The following ZNF286A variants were observed in gnomAD, a reference collection of about 807,000 sequenced individuals.
ZNF286A encodes the protein zinc finger protein ZNF286.
ZNF286A carries 34 observed loss-of-function variants against 49.3 expected under a neutral mutation model. The ratio of observed to expected loss-of-function variants is 0.69; its 90% confidence interval spans 0.52 to 0.92. The LOEUF is 0.92. Ranked by LOEUF, ZNF286A falls within the 40% of genes least tolerant of loss-of-function variation. The pLI is 0.00. For synonymous variants in ZNF286A, 155 were observed against 200.4 expected, an observed-to-expected ratio of 0.77 and a Z score of 1.91; for missense variants, 462 against 600.2, an observed-to-expected ratio of 0.77 and a Z score of 2.41.
intron 1 of ZNF286A, 104 bp downstream of exon 1, chr17:15,699,881 G>A: frequency 1.4e-6 from 1 of 699,816 alleles, no homozygotes; most frequent in Non-Finnish European, 2.6e-6. Context: ...TTGTTAAAGG[G>A]GCCTCGAGGG....
intron 5 of ZNF286A, chr17:15,711,397 C>CT (rs1177958039): frequency 6.6e-6 from 1 of 152,176 alleles, no homozygotes; most frequent in East Asian, 1.9e-4. Context: ...TCTTAGCCTT[C>CT]TTTTTTGAAC....
At chr17:15,715,746 C>T (rs535931362) in intron 5 of ZNF286A, among the ~76,000 whole-genome samples, 1 of 152,258 alleles carries the variant, frequency 6.6e-6, no homozygotes, top group African/African-American at 2.4e-5. Flanking sequence ...AAAGTTATTT[C>T]TTCCCATCCT....
Position 15,716,284 on chromosome 17 carries a change from C to G in ZNF286A, c.560C>G (p.Thr187Arg). 6.2e-7 allele frequency: 1 copy of G among 1,613,874 alleles called. No individual in the cohort carries two copies. Among genetic ancestry groups the G allele is most frequent in the East Asian group, 2.2e-5 (1 of 44,872 alleles). The change falls in exon 6 of 6, where the codon ACA (threonine) becomes AGA (arginine). Residue 187 changes from threonine (T) to arginine (R), a missense_variant. Coordinates refer to ENST00000583566, the MANE Select transcript of ZNF286A (RefSeq NM_001130842.2). ...CACATGAATTCACTCTCTGAGGAAA[C>G]AGACCATAAGCATGATGTATACTGG... ...FTHMNSLSEE[T>R]DHKHDVYWKS...
At chr17:15,706,247 C>A in intron 3 of ZNF286A, 140 bp from the exon 4 acceptor site, 1 of 647,918 alleles carries the variant, frequency 1.5e-6, no homozygotes, top group South Asian at 1.8e-5. Context: ...ATCTGACGAC[C>A]ATTAGAATAC....
At chr17:15,711,861 C>CA (rs1491214998) in intron 5 of ZNF286A, among the ~76,000 whole-genome samples, 3 of 88,130 alleles carry the variant, frequency 3.4e-5, no homozygotes, top group Non-Finnish European at 4.6e-5. Flanking sequence ...CTGTAATCTG[C>CA]CCCCCCCCCG....
chr17:15,714,525 T>C (rs1180838566), intron 5 of ZNF286A, among the ~76,000 whole-genome samples: 1 of 152,128 alleles, frequency 6.6e-6, no homozygotes, highest in Non-Finnish European at 1.5e-5. Flanking sequence ...TTCATAGATA[T>C]TTGCATTAAT....
rs2530070 is a variant in ZNF286A at position 15,716,216 on chromosome 17, T to G, written c.492T>G (p.Asn164Lys). ...TTGAATGTGAAAATTGGTTAGAGAA[T>G]CAGCAAGGAAATCAGGAGAGACATT... ...AALECENWLE[N>K]QQGNQERHLR... Residue 164 changes from asparagine to lysine, a missense_variant, in exon 6 of 6, where the codon AAT becomes AAG. Physicochemically the swap from Asn to Lys is moderately conservative, Grantham distance 94. Transcript: ENST00000583566. The G allele has an allele frequency of 7.4e-6, 12 of 1,613,858 alleles. No homozygotes were observed. Among genetic ancestry groups the G allele is most frequent in the East Asian group, 6.7e-5 (3 of 44,868 alleles).
intron 5 of ZNF286A, among the ~76,000 whole-genome samples, chr17:15,711,036 C>T (rs1324542478): frequency 6.6e-6 from 1 of 151,876 alleles, no homozygotes; most frequent in African/African-American, 2.4e-5. Context: ...CTCAGCCTCC[C>T]GAGTAGCTGG....
intron 5 of ZNF286A, 67 bp downstream of exon 5, chr17:15,708,314 G>T (rs1265181712): frequency 3.0e-6 from 4 of 1,340,934 alleles, no homozygotes; most frequent in Non-Finnish European, 4.0e-6. Context: ...ATACTTTTCA[G>T]TGCTTAAGAA....
chr17:15,705,479 G>A (rs374918236), intron 3 of ZNF286A, among the ~76,000 whole-genome samples: 1 of 151,928 alleles, frequency 6.6e-6, no homozygotes, highest in Non-Finnish European at 1.5e-5. Flanking sequence ...TTTCCTCTGA[G>A]TACAGTTTTA....
At position 15,717,740 on chromosome 17, in the gene ZNF286A, A is replaced by G. The variant is rs1428163571; in HGVS notation, c.*450A>G. 1 of 160,564 alleles carries G rather than the reference A, an allele frequency of 6.2e-6. No individual in the cohort carries two copies. Among genetic ancestry groups the G allele is most frequent in the African/African-American group, 2.4e-5 (1 of 41,346 alleles). 9.9% of individuals were successfully genotyped at this position (160,564 alleles called of 1,614,324 possible). On this transcript the variant is annotated 3_prime_UTR_variant, in exon 6 of 6. Coordinates refer to ENST00000583566, the MANE Select transcript of ZNF286A (RefSeq NM_001130842.2). The stretch of plus-strand genomic sequence containing the variant: ...ATTACTCCTTGAGATCTAGATACAC[A>G]TATGGTATAATTCATCTAGAGTGTA...
intron 5 of ZNF286A, among the ~76,000 whole-genome samples, chr17:15,713,048 C>G (rs966918724): frequency 9.9e-5 from 15 of 152,090 alleles, no homozygotes; most frequent in African/African-American, 3.6e-4. Flanking sequence ...CCAATAGTTA[C>G]TATACTACAA....
chr17:15,705,416 G>T (rs1405319401), intron 3 of ZNF286A, among the ~76,000 whole-genome samples: 4 of 151,358 alleles, frequency 2.6e-5, no homozygotes, highest in African/African-American at 7.3e-5. Flanking sequence ...TTGTGCTCTG[G>T]TCATTTATTT....
At chr17:15,704,678 G>A in intron 3 of ZNF286A, 1 of 1,613,884 alleles carries the variant, frequency 6.2e-7, no homozygotes, top group Non-Finnish European at 8.5e-7. Flanking sequence ...TAGCCCTTGG[G>A]TGGGGAGGCA....
chr17:15,716,284 C>T lies in ZNF286A; in HGVS notation c.560C>T (p.Thr187Ile). The change falls in exon 6 of 6, where the codon ACA becomes ATA. Residue 187 changes from threonine (T) to isoleucine (I), a missense_variant. Physicochemically the swap from Thr to Ile is moderately conservative, Grantham distance 89. This residue lies in a region of ZNF286A where 259 missense variants were observed against 272.2 expected (regional missense o/e 0.95). Transcript: ENST00000583566. ...CACATGAATTCACTCTCTGAGGAAA[C>T]AGACCATAAGCATGATGTATACTGG... ...FTHMNSLSEETDHKHDVYWKS... is the reference protein window; with the variant it reads ...FTHMNSLSEEIDHKHDVYWKS... 6.2e-7 allele frequency: 1 copy of T among 1,613,874 alleles called. No homozygotes were observed. The highest frequency in any genetic ancestry group is 8.5e-7 in the Non-Finnish European group (1 of 1,179,832).
At chr17:15,701,890 A>G (rs756627772) in intron 3 of ZNF286A, among the ~76,000 whole-genome samples, 1 of 152,060 alleles carries the variant, frequency 6.6e-6, no homozygotes, top group Non-Finnish European at 1.5e-5. Context: ...TGGGAGGCCA[A>G]GGCAGGTAGA....
intron 5 of ZNF286A, among the ~76,000 whole-genome samples, chr17:15,713,278 AT>A (rs377637257): frequency 7.9e-5 from 12 of 152,302 alleles, no homozygotes; most frequent in Admixed American, 2.0e-4. Flanking sequence ...AGCACAGTAT[AT>A]TTTTTTGTTA....
Position 15,715,658 on chromosome 17 carries a change from T to C in ZNF286A, c.335-401T>C, listed in dbSNP as rs561922345. Among the ~76,000 whole-genome samples, 75 of 152,194 alleles carry C rather than the reference T, an allele frequency of 4.9e-4. 1 individual carries two copies. Among genetic ancestry groups the C allele is most frequent in the African/African-American group, 1.8e-3 (73 of 41,558 alleles). ...GTGAGTAGGATTGGAATAGTGAAAA[T>C]TTAGAAGCCATAACTGTACTGTACA... On this transcript the variant is annotated intron_variant, in intron 5 of 5. Coordinates refer to ENST00000583566, the MANE Select transcript of ZNF286A (RefSeq NM_001130842.2).
rs780607930 is a variant in ZNF286A, at chr17:15,706,513, T to C, written c.241+12T>C. On this transcript the variant is annotated intron_variant, in intron 4 of 5. Transcript: ENST00000583566. ...CCTAGTCTCACTTTGTAAGAATGGA[T>C]TGTGATTCTGGAATCTGCTTATAGG... The C allele has an allele frequency of 1.6e-5, 26 of 1,577,028 alleles. No homozygotes were observed. In the Admixed American group the frequency reaches 4.2e-4, roughly 25 times the overall value.
Sources: allele counts gnomAD v4.1 joint callset (sites outside exome capture counted in the v4.1 genomes callset), GRCh38; gene constraint gnomAD v4.1.1; regional missense constraint gnomAD v4.1.1; transcripts MANE v1.5; gene names NCBI Gene and HGNC (gene_info 2026-07-23, HGNC 2026-07-21).